The following SFSWAP variants were observed in gnomAD, a reference collection of about 807,000 sequenced individuals.
SFSWAP encodes the protein splicing factor, suppressor of white-apricot homolog.
A neutral mutation model predicts 100.7 loss-of-function variants in SFSWAP; 17 were observed. The observed-to-expected ratio is 0.17, with a 90% CI of 0.12 to 0.25. The LOEUF is 0.25. SFSWAP is among the 10% of genes least tolerant of loss of function. The probability of loss-of-function intolerance (pLI) is 1.00; values close to 1 mark genes in which losing one functional copy is unlikely to be tolerated. For synonymous variants in SFSWAP, 504 were observed against 510.1 expected (o/e 0.99, Z 0.16); for missense variants, 1,005 against 1,262.6 (o/e 0.80, Z 3.09).
chr12:131,738,321 A>G (rs569023700), intron 7 of SFSWAP, among the ~76,000 whole-genome samples: 9 of 152,350 alleles, frequency 5.9e-5, no homozygotes, highest in African/African-American at 1.9e-4. Context: ...GGATTCCACC[A>G]TCCAGAAATA....
At position 131,745,202 on chromosome 12, in the gene SFSWAP, C is replaced by T. The variant is rs1261891752; in HGVS notation, c.1082-7921C>T. Among the ~76,000 whole-genome samples the T allele has an allele frequency of 2.6e-5, 4 of 152,312 alleles. No individual in the cohort carries two copies. The South Asian group carries it at 8.3e-4, about 32-fold the overall frequency. On this transcript the variant is annotated intron_variant, in intron 7 of 17. Transcript: ENST00000261674. Reference sequence around the variant, plus strand: ...TATTTTCTTAAAAACTTTGGGCTTACATCTTAAGGAGTTTTTGGTTTGTTT... The same window carrying T: ...TATTTTCTTAAAAACTTTGGGCTTATATCTTAAGGAGTTTTTGGTTTGTTT...
chr12:131,755,519 G>C, intron 10 of SFSWAP, 40 bp downstream of exon 10: 1 of 1,441,968 alleles, frequency 6.9e-7, no homozygotes, highest in South Asian at 1.2e-5. Context: ...AGCTCTTAGA[G>C]GTGGCTCCGC....
chr12:131,768,377 C>T (rs1321773480), intron 13 of SFSWAP, among the ~76,000 whole-genome samples: 2 of 152,206 alleles, frequency 1.3e-5, no homozygotes, highest in African/African-American at 2.4e-5. Context: ...GAAGTCACTT[C>T]GCTTATTTTT....
chr12:131,738,885 C>CTTTTTTTTCTTTTT (rs1880306555), intron 7 of SFSWAP, among the ~76,000 whole-genome samples: 1 of 48,718 alleles, frequency 2.1e-5, no homozygotes, highest in African/African-American at 5.8e-5. Flanking sequence ...GAACATTATT[C>CTTTTTTTTCTTTTT]TTTTTTTTTT....
At position 131,728,369 on chromosome 12, in the gene SFSWAP, C is replaced by T. The variant is rs748257985; in HGVS notation, c.1022C>T (p.Thr341Ile). The change falls in exon 7 of 18, where the codon ACC (threonine) becomes ATC (isoleucine). Residue 341 changes from threonine (T) to isoleucine (I), a missense_variant. Around this residue, in one of 7 missense-constraint regions of SFSWAP, gnomAD observed 311 missense variants for 317.8 expected, o/e 0.98. Transcript: ENST00000261674. ...RKAQADSSTP[T>I]PHNADGAPVQ... ...GCACAGGCTGACAGTTCCACTCCCA[C>T]CCCACACAACGCAGACGGTGCGCCT... The T allele has an allele frequency of 6.2e-7, 1 of 1,614,212 alleles. No individual in the cohort carries two copies. Among genetic ancestry groups the T allele is most frequent in the Non-Finnish European group, 8.5e-7 (1 of 1,180,014 alleles).
At chr12:131,789,058 G>A (rs372107628) in intron 15 of SFSWAP, among the ~76,000 whole-genome samples, 2 of 151,896 alleles carry the variant, frequency 1.3e-5, no homozygotes, top group East Asian at 3.9e-4. Context: ...TCAGCTCACT[G>A]CGGCCTCAAC....
intron 13 of SFSWAP, among the ~76,000 whole-genome samples, chr12:131,777,344 C>T (rs922455122): frequency 1.3e-5 from 2 of 152,130 alleles, no homozygotes; most frequent in Non-Finnish European, 2.9e-5. Context: ...TTCCTGTGAC[C>T]ATGTGTTCTC....
rs61339190 is a variant in SFSWAP, at chr12:131,719,568, C to T, written c.606+29C>T. On this transcript the variant is annotated intron_variant, in intron 4 of 17. Transcript: ENST00000261674. ...TGTGTCCTGCATGAGCACTAGTTGT[C>T]GTCATTATTATTTATCATAATTCAC... 6.9e-3 allele frequency: 10,496 copies of T among 1,513,978 alleles called. 586 individuals are homozygous for T. The African/African-American group carries it at 0.12, about 18-fold the overall frequency. 93.8% of individuals were successfully genotyped at this position (1,513,978 alleles called of 1,614,324 possible).
At chr12:131,798,370 G>A (rs1460084047) in intron 16 of SFSWAP, among the ~76,000 whole-genome samples, 1 of 152,112 alleles carries the variant, frequency 6.6e-6, no homozygotes, top group East Asian at 1.9e-4. Flanking sequence ...GGGAGGGGGT[G>A]TTGGCTCCAG....
intron 13 of SFSWAP, among the ~76,000 whole-genome samples, chr12:131,769,612 T>A (rs34031459): frequency 3.5e-4 from 53 of 152,108 alleles, no homozygotes; most frequent in Admixed American, 1.1e-3. Flanking sequence ...TTATTTATTT[T>A]ATTTTATTTA....
intron 7 of SFSWAP, among the ~76,000 whole-genome samples, chr12:131,729,675 C>T (rs1214318786): frequency 1.3e-5 from 2 of 152,176 alleles, no homozygotes; most frequent in Admixed American, 6.5e-5. Flanking sequence ...AGCGTCAGGT[C>T]TTTCTGTAAT....
chr12:131,758,279 TTC>T (rs1221585407), intron 11 of SFSWAP, among the ~76,000 whole-genome samples: 1 of 152,044 alleles, frequency 6.6e-6, no homozygotes, highest in Non-Finnish European at 1.5e-5. Flanking sequence ...CAGCGTGACC[TTC>T]TCCACACTTC....
In SFSWAP at chr12:131,786,478, C is replaced by T; in HGVS notation, c.2424C>T (p.Ser808=). The part of the protein sequence containing the change: ...TVRRSRSRSR[S]PRRRAHSPER... Reference sequence around the variant, plus strand: ...CCCTGTCCAGGTCCCGCTCCCGGTCCCCTCGGAGGAGAGCCCACTCCCCTG... The same window carrying T: ...CCCTGTCCAGGTCCCGCTCCCGGTCTCCTCGGAGGAGAGCCCACTCCCCTG... The change falls in exon 15 of 18, where the codon TCC becomes TCT. Residue 808 remains serine (S), a synonymous_variant. Transcript: ENST00000261674. The T allele has an allele frequency of 6.3e-7, 1 of 1,587,660 alleles. No homozygotes were observed. Among genetic ancestry groups the T allele is most frequent in the Non-Finnish European group, 8.6e-7 (1 of 1,167,970 alleles).
chr12:131,774,077 G>A (rs1883820487), intron 13 of SFSWAP, among the ~76,000 whole-genome samples: 1 of 152,192 alleles, frequency 6.6e-6, no homozygotes, highest in South Asian at 2.1e-4. Context: ...GAGCACGAGA[G>A]ACCGACAGGA....
At chr12:131,737,626 C>G (rs2136202717) in intron 7 of SFSWAP, among the ~76,000 whole-genome samples, 1 of 152,232 alleles carries the variant, frequency 6.6e-6, no homozygotes, top group East Asian at 1.9e-4. Context: ...ACTGCTGTGT[C>G]TCGTGGGAGG....
chr12:131,717,100 C>G (rs368182550), intron 3 of SFSWAP, among the ~76,000 whole-genome samples: 2 of 152,170 alleles, frequency 1.3e-5, no homozygotes, highest in African/African-American at 4.8e-5. Context: ...AGTGAAACAC[C>G]TAACACACAC....
intron 8 of SFSWAP, among the ~76,000 whole-genome samples, chr12:131,754,085 G>C (rs1316712276): frequency 6.6e-6 from 1 of 152,072 alleles, no homozygotes; most frequent in Non-Finnish European, 1.5e-5. Flanking sequence ...CTTATTCTTT[G>C]TTATTTCTAA....
rs60047663 is a variant in SFSWAP, at chr12:131,740,966, C to CTTTTTTTTTTTTTTTTTTTTTTTTTTTTT, written c.1082-12133_1082-12132insTTTTTTTTTTTTTTTTTTTTTTTTTTTTT. On this transcript the variant is annotated intron_variant, in intron 7 of 17. Transcript: ENST00000261674. Reference sequence around the variant, plus strand: ...TCATTTCTTTTTTTTTCTTTTTTTTCTTTTTTTTTTTTTTTTTTTTTTTTG... The same window carrying CTTTTTTTTTTTTTTTTTTTTTTTTTTTTT: ...TCATTTCTTTTTTTTTCTTTTTTTTCTTTTTTTTTTTTTTTTTTTTTTTTTTTTTTTTTTTTTTTTTTTTTTTTTTTTTG... Among the ~76,000 whole-genome samples, 26 of 70,154 alleles carry CTTTTTTTTTTTTTTTTTTTTTTTTTTTTT rather than the reference C, an allele frequency of 3.7e-4. 2 individuals carry two copies. Among genetic ancestry groups the CTTTTTTTTTTTTTTTTTTTTTTTTTTTTT allele is most frequent in the African/African-American group, 5.3e-4 (9 of 17,128 alleles). 46.0% of individuals were successfully genotyped at this position (70,154 alleles called of 152,430 possible).
At chr12:131,715,475 A>G (rs964001112) in intron 3 of SFSWAP, among the ~76,000 whole-genome samples, 13 of 152,232 alleles carry the variant, frequency 8.5e-5, no homozygotes, top group African/African-American at 2.9e-4. Flanking sequence ...ATTTTAAATT[A>G]AAGATTTGGA....
Sources: allele counts gnomAD v4.1 joint callset (sites outside exome capture counted in the v4.1 genomes callset), GRCh38; gene constraint gnomAD v4.1.1; regional missense constraint gnomAD v4.1.1; transcripts MANE v1.5; gene names NCBI Gene and HGNC (gene_info 2026-07-23, HGNC 2026-07-21).